The following ENOSF1 variants were observed in gnomAD, a reference collection of about 807,000 sequenced individuals.
ENOSF1 encodes mitochondrial enolase superfamily member 1.
A neutral mutation model predicts 68.2 loss-of-function variants in ENOSF1; 73 were observed. That is an observed-to-expected ratio of 1.07 (90% CI 0.89 to 1.30). The LOEUF is 1.30. ENOSF1 is among the 50% of genes most tolerant of loss of function. The pLI is 0.00. For synonymous variants in ENOSF1, 223 were observed against 210.4 expected, an observed-to-expected ratio of 1.06 and a Z score of -0.52; for missense variants, 589 against 554.5, an observed-to-expected ratio of 1.06 and a Z score of -0.62.
intron 1 of ENOSF1, 50 bp from the exon 2 acceptor site, chr18:706,628 A>G (rs761016187): frequency 7.3e-7 from 1 of 1,372,758 alleles, no homozygotes; most frequent in Non-Finnish European, 1.0e-6. Flanking sequence ...GAGAAACCCG[A>G]AAAGAACCAT....
downstream of ENOSF1, among the ~76,000 whole-genome samples, chr18:669,617 C>G (rs2074946362): frequency 6.6e-6 from 1 of 152,000 alleles, no homozygotes; most frequent in African/African-American, 2.4e-5. Context: ...GATGATCTGC[C>G]TGCCTCAGCC....
intron 10 of ENOSF1, among the ~76,000 whole-genome samples, chr18:685,495 CG>C (rs1369041254): frequency 6.6e-6 from 1 of 152,134 alleles, no homozygotes; most frequent in Admixed American, 6.5e-5. Context: ...ATATTTTACA[CG>C]TAAGAACTGG....
chr18:663,455 A>G, the ENOSF1 span, among the ~76,000 whole-genome samples: 1 of 100,096 alleles, frequency 1.0e-5, no homozygotes, highest in Non-Finnish European at 1.9e-5. Context: ...ATTTTCTCCC[A>G]TTTTGTGGGT....
intron 5 of ENOSF1, chr18:692,639 G>T (rs2077311435): frequency 2.1e-5 from 15 of 698,404 alleles, no homozygotes; most frequent in East Asian, 2.6e-4. Flanking sequence ...AAAAAGAAAA[G>T]AGTACTGGCA....
At chr18:667,233 AGATGGAGATGGTGATGGTGATGGT>A (rs2074859286), downstream of ENOSF1, among the ~76,000 whole-genome samples, 3 of 13,026 alleles carry the variant, frequency 2.3e-4, no homozygotes, top group Non-Finnish European at 3.7e-4. Flanking sequence ...ATGGTGATGG[AGATGGAGATGGTGATGGTGATGGT>A]GATGGAGATG....
chr18:693,139 C>T (rs1166700336), intron 5 of ENOSF1: 8 of 1,288,966 alleles, frequency 6.2e-6, no homozygotes, highest in Non-Finnish European at 8.1e-6. Context: ...CTTTAATTTG[C>T]CCAGTTTTTT....
downstream of ENOSF1, among the ~76,000 whole-genome samples, chr18:666,047 T>C (rs1002670589): frequency 2.0e-4 from 20 of 98,334 alleles, 6 homozygotes; most frequent in Non-Finnish European, 3.0e-4. Context: ...AGTGCAGAGC[T>C]GAGTTCAATT....
intron 11 of ENOSF1, among the ~76,000 whole-genome samples, chr18:681,401 C>G (rs983253232): frequency 1.3e-5 from 2 of 152,156 alleles, no homozygotes; most frequent in African/African-American, 4.8e-5. Flanking sequence ...AGGGTTAGAG[C>G]CCTGAGGAGC....
At chr18:690,498 G>A (rs1321241113) in intron 8 of ENOSF1, 51 bp downstream of exon 8, 1 of 1,591,882 alleles carries the variant, frequency 6.3e-7, no homozygotes, top group South Asian at 1.1e-5. Flanking sequence ...AGGAAAAACA[G>A]GTTGGTTTCT....
In ENOSF1 at chr18:670,952, TTA is replaced by T; in HGVS notation, c.*3351_*3352del. 1.4e-6 allele frequency: 2 copies of T among 1,474,330 alleles called. No individual in the cohort carries two copies. The highest frequency in any genetic ancestry group is 9.2e-7 in the Non-Finnish European group (1 of 1,083,978). The allele number at this position is 1,474,330 out of a possible 1,614,324, so 91.3% of individuals were successfully genotyped here. On this transcript the variant is annotated 3_prime_UTR_variant, in exon 16 of 16. Coordinates refer to ENST00000647584, the MANE Select transcript of ENOSF1 (RefSeq NM_017512.7). ...AATATGGGAAAACAAATTGCAGAGT[TTA>T]GTCTCTGATTAGCTTTTAAATTTGA... is the stretch of plus-strand genomic sequence containing the variant.
At chr18:701,486 G>A (rs1176342464) in intron 2 of ENOSF1, among the ~76,000 whole-genome samples, 1 of 152,094 alleles carries the variant, frequency 6.6e-6, no homozygotes, top group Non-Finnish European at 1.5e-5. Flanking sequence ...TGGCCACGGT[G>A]GCTCACGCCT....
chr18:676,124 A>C (rs754904517), intron 14 of ENOSF1, among the ~76,000 whole-genome samples: 4 of 152,266 alleles, frequency 2.6e-5, no homozygotes, highest in Non-Finnish European at 5.9e-5. Flanking sequence ...CAGAGGATTT[A>C]GAATCAGGTC....
At chr18:698,116 A>G (rs994403100) in intron 2 of ENOSF1, among the ~76,000 whole-genome samples, 2 of 152,244 alleles carry the variant, frequency 1.3e-5, no homozygotes, top group Admixed American at 1.3e-4. Flanking sequence ...TGTGGTTGTC[A>G]TAAGAAATAT....
At chr18:663,307 A>T in the ENOSF1 span, among the ~76,000 whole-genome samples, 1 of 97,198 alleles carries the variant, frequency 1.0e-5, no homozygotes, top group Non-Finnish European at 1.9e-5. Context: ...GGCTGCATAA[A>T]TGTCTTCTTT....
At position 690,950 on chromosome 18, in the gene ENOSF1, G is replaced by C; in HGVS notation, c.535+118C>G. ...CATGCAGACTTGAATGTTGATTTGA[G>C]GGCCTAGCTGCTCAGCACAGGGCAT... On this transcript the variant is annotated intron_variant, in intron 7 of 15. Transcript: ENST00000647584. 3.2e-6 allele frequency: 4 copies of C among 1,259,828 alleles called. No individual in the cohort carries two copies. The South Asian group carries it at 5.4e-5, about 17-fold the overall frequency. 78.0% of individuals were successfully genotyped at this position (1,259,828 alleles called of 1,614,324 possible).
chr18:675,223 A>C (rs2075360527), intron 15 of ENOSF1, 98 bp downstream of exon 15: 1 of 892,692 alleles, frequency 1.1e-6, no homozygotes, highest in South Asian at 1.4e-5. Flanking sequence ...GCAAACAAAC[A>C]GGAGTCAAAG....
chr18:711,209 A>G (rs944604604), intron 1 of ENOSF1, among the ~76,000 whole-genome samples: 1 of 152,222 alleles, frequency 6.6e-6, no homozygotes, highest in Non-Finnish European at 1.5e-5. Context: ...ATAAAATAGA[A>G]TAAAATAAAA....
Position 691,286 on chromosome 18 carries a change from T to A in ENOSF1, c.424-10A>T. 1 of 1,611,440 alleles carries A rather than the reference T, an allele frequency of 6.2e-7. No individual in the cohort carries two copies. ...CCAGCATCCTGGGATCCTGGCAACG[T>A]GACAGGAGGGGAAGAGGCCTGAATC... On this transcript the variant is annotated splice_polypyrimidine_tract_variant and intron_variant, in intron 5 of 15. Coordinates refer to ENST00000647584, the MANE Select transcript of ENOSF1 (RefSeq NM_017512.7).
rs747517221 is a variant in ENOSF1 at position 675,378 on chromosome 18, C to T, written c.1173G>A (p.Leu391=). Residue 391 remains leucine, a synonymous_variant, in exon 15 of 16, where the codon CTG becomes CTA. Coordinates refer to ENST00000647584, the MANE Select transcript of ENOSF1 (RefSeq NM_017512.7). The part of the protein sequence containing the change: ...ENRVCEYVDH[L]HEHFKYPVMI... Reference sequence around the variant, plus strand: ...TCACGGGATACTTGAAATGCTCATGCAGGTGGTCAACATACTCACACACCC... The same window carrying T: ...TCACGGGATACTTGAAATGCTCATGTAGGTGGTCAACATACTCACACACCC... The T allele has an allele frequency of 1.9e-6, 3 of 1,613,100 alleles. No individual in the cohort carries two copies. The highest frequency in any genetic ancestry group is 3.3e-5 in the Admixed American group (2 of 59,876).
Sources: allele counts gnomAD v4.1 joint callset (sites outside exome capture counted in the v4.1 genomes callset), GRCh38; gene constraint gnomAD v4.1.1; transcripts MANE v1.5; gene names NCBI Gene and HGNC (gene_info 2026-07-23, HGNC 2026-07-21).